The following KPNA6 variants were observed in gnomAD, a reference collection of about 807,000 sequenced individuals.
The protein encoded by KPNA6 is importin subunit alpha-7.
KPNA6 carries 9 observed loss-of-function variants against 72.0 expected under a neutral mutation model. The ratio of observed to expected loss-of-function variants is 0.13; its 90% CI spans 0.08 to 0.22. The LOEUF (loss-of-function observed/expected upper bound fraction) is 0.22, where lower values mean the gene tolerates loss of function less well. KPNA6 is among the 10% of genes least tolerant of loss of function. The pLI is 1.00. For synonymous variants in KPNA6, 219 were observed against 242.1 expected (o/e 0.90, Z 0.89); for missense variants, 374 against 655.7 (o/e 0.57, Z 4.69).
chr1:32,162,508 T>G lies in KPNA6; in HGVS notation c.895T>G (p.Leu299Val). 6.2e-7 allele frequency: 1 copy of G among 1,613,784 alleles called. No individual in the cohort carries two copies. Among genetic ancestry groups the G allele is most frequent in the African/African-American group, 1.3e-5 (1 of 74,982 alleles). The stretch of plus-strand genomic sequence containing the variant: ...CATAGACTCCGGAGTCTGCCGGAGA[T>G]TGGTAGAGCTGCTGATGTGAGTGGT... ...AVIDSGVCRR[L>V]VELLMHNDYK... The change falls in exon 9 of 14, where the codon TTG becomes GTG. Residue 299 changes from leucine to valine, a missense_variant. Leu to Val is a conservative substitution (Grantham distance 32, BLOSUM62 1). Coordinates refer to ENST00000373625, the MANE Select transcript of KPNA6 (RefSeq NM_012316.5).
At chr1:32,118,891 TAGTA>T (rs1403597008) in intron 1 of KPNA6, among the ~76,000 whole-genome samples, 2 of 150,984 alleles carry the variant, frequency 1.3e-5, no homozygotes, top group South Asian at 2.1e-4. Flanking sequence ...GCTTAGCACA[TAGTA>T]AGTACTCAAT....
chr1:32,126,880 G>A (rs1641545460), intron 1 of KPNA6, among the ~76,000 whole-genome samples: 1 of 152,082 alleles, frequency 6.6e-6, no homozygotes, highest in South Asian at 2.1e-4. Flanking sequence ...CTGAGTGTTG[G>A]AAGGAAAAGG....
At chr1:32,169,632 A>AT (rs957531240) in intron 12 of KPNA6, among the ~76,000 whole-genome samples, 22 of 101,572 alleles carry the variant, frequency 2.2e-4, no homozygotes, top group East Asian at 3.1e-4. Flanking sequence ...TTTTTTTTGT[A>AT]TTTTTTTTTA....
chr1:32,167,084 G>C, intron 11 of KPNA6, 85 bp from the exon 12 acceptor site: 2 of 1,513,168 alleles, frequency 1.3e-6, no homozygotes, highest in Non-Finnish European at 1.8e-6. Context: ...AGATGTCTAA[G>C]TCTCAGCTGA....
rs186908480 is a variant in KPNA6, at chr1:32,120,057, C to T, written c.4+11923C>T. ...GGCCTGGATTTTTAAATAATACTTA[C>T]TGCTTTGTAAAGGTTACAAGCTAAC... On this transcript the variant is annotated intron_variant, in intron 1 of 13. Transcript: ENST00000373625. Among the ~76,000 whole-genome samples, 225 of 151,854 alleles carry T rather than the reference C, an allele frequency of 1.5e-3. 1 individual carries two copies. The highest frequency in any genetic ancestry group is 5.3e-3 in the African/African-American group (218 of 41,416).
In KPNA6 at chr1:32,172,779, C is replaced by A; in HGVS notation, c.*1885C>A. 1 of 233,572 alleles carries A rather than the reference C, an allele frequency of 4.3e-6. No homozygotes were observed. Among genetic ancestry groups the A allele is most frequent in the East Asian group, 7.9e-5 (1 of 12,672 alleles). 14.5% of individuals were successfully genotyped at this position (233,572 alleles called of 1,614,324 possible). A position where few individuals can be genotyped will look rare whatever the true frequency, so the allele number is the denominator to read the frequency against. On this transcript the variant is annotated 3_prime_UTR_variant, in exon 14 of 14. Transcript: ENST00000373625. ...CCCCCACCTCCCCACTGTGGTTAGTCAGAGGCATCCTGCTCCAAGCTCTGC... is the reference window on the plus strand; with the variant it reads ...CCCCCACCTCCCCACTGTGGTTAGTAAGAGGCATCCTGCTCCAAGCTCTGC...
At chr1:32,132,878 G>A (rs1461506197) in intron 1 of KPNA6, among the ~76,000 whole-genome samples, 1 of 151,748 alleles carries the variant, frequency 6.6e-6, no homozygotes, top group Non-Finnish European at 1.5e-5. Context: ...ACTCCAGCCT[G>A]GGCGACAGAG....
At chr1:32,156,763 C>T in intron 2 of KPNA6, 90 bp from the exon 3 acceptor site, 7 of 975,212 alleles carry the variant, frequency 7.2e-6, no homozygotes, top group Middle Eastern at 2.1e-4. Flanking sequence ...CTAGTATATC[C>T]TTGTCAGTTA....
chr1:32,166,143 C>G lies in KPNA6; in HGVS notation c.1029C>G (p.His343Gln). ...LNCSALPCLL[H>Q]LLSSPKESIR... ...GTTCAGCCCTACCTTGCCTTCTCCACTTGTTGAGCAGTCCCAAGGAGTCAA... is the reference window on the plus strand; with the variant it reads ...GTTCAGCCCTACCTTGCCTTCTCCAGTTGTTGAGCAGTCCCAAGGAGTCAA... Residue 343 changes from histidine to glutamine, a missense_variant, in exon 11 of 14, where the codon CAC becomes CAG. Physicochemically the swap from His to Gln is conservative, Grantham distance 24. Around this residue, in one of 3 missense-constraint regions of KPNA6, gnomAD observed 298 missense variants for 495.4 expected, o/e 0.60. Transcript: ENST00000373625. 6.2e-7 allele frequency: 1 copy of G among 1,614,132 alleles called. No individual in the cohort carries two copies.
chr1:32,168,250 G>T (rs1642374161), intron 12 of KPNA6, among the ~76,000 whole-genome samples: 1 of 152,198 alleles, frequency 6.6e-6, no homozygotes, highest in African/African-American at 2.4e-5. Flanking sequence ...TTGTGTATGT[G>T]TGCTCTTTTT....
At chr1:32,122,721 C>T (rs1213404311) in intron 1 of KPNA6, among the ~76,000 whole-genome samples, 3 of 151,810 alleles carry the variant, frequency 2.0e-5, no homozygotes. Flanking sequence ...TTTGGGAGGC[C>T]GAGGCAGGCA....
intron 1 of KPNA6, among the ~76,000 whole-genome samples, chr1:32,141,597 A>G (rs189543178): frequency 2.2e-4 from 34 of 151,530 alleles, no homozygotes; most frequent in African/African-American, 7.2e-4. Context: ...GGATTTCACC[A>G]TGTTAGCCAG....
chr1:32,168,750 G>T (rs950238907), intron 12 of KPNA6, among the ~76,000 whole-genome samples: 1 of 152,204 alleles, frequency 6.6e-6, no homozygotes, highest in Admixed American at 6.5e-5. Context: ...AGAATGTATT[G>T]TCCTTGGAAG....
At chr1:32,121,849 T>G (rs1156891566) in intron 1 of KPNA6, among the ~76,000 whole-genome samples, 2 of 151,606 alleles carry the variant, frequency 1.3e-5, no homozygotes, top group African/African-American at 4.9e-5. Flanking sequence ...GGTGTGTACC[T>G]GTAATCCCAG....
At chr1:32,112,376 A>G (rs1304220998) in intron 1 of KPNA6, among the ~76,000 whole-genome samples, 1 of 152,220 alleles carries the variant, frequency 6.6e-6, no homozygotes, top group African/African-American at 2.4e-5. Context: ...AGCAAATATA[A>G]TAAAGCAAGT....
At chr1:32,169,481 C>G (rs148819276) in intron 12 of KPNA6, among the ~76,000 whole-genome samples, 2,779 of 148,308 alleles carry the variant, frequency 0.019, 98 homozygotes, top group African/African-American at 0.064. Flanking sequence ...GAGTCTCACT[C>G]TGTCGCCCAG....
intron 1 of KPNA6, among the ~76,000 whole-genome samples, chr1:32,110,541 GCCTT>G (rs750391802): frequency 1.3e-5 from 2 of 152,110 alleles, no homozygotes; most frequent in African/African-American, 2.4e-5. Flanking sequence ...TCCTTTCTGA[GCCTT>G]CCTTTTCTGA....
chr1:32,131,463 A>G (rs765036831), intron 1 of KPNA6, among the ~76,000 whole-genome samples: 2 of 152,188 alleles, frequency 1.3e-5, no homozygotes, highest in Non-Finnish European at 2.9e-5. Flanking sequence ...AACCTGGGCA[A>G]CAAAGTGAGA....
chr1:32,170,363 G>A lies in KPNA6; in HGVS notation c.1423+303G>A, dbSNP rs571983249. On this transcript the variant is annotated intron_variant, in intron 13 of 13. Coordinates refer to ENST00000373625, the MANE Select transcript of KPNA6 (RefSeq NM_012316.5). ...CTCACCAGTTTCTTCTCCTTCTAAG[G>A]AGTGATAGGTCAGTTCTCTTTCTGA... is the stretch of plus-strand genomic sequence containing the variant. Among the ~76,000 whole-genome samples, 8 of 152,272 alleles carry A rather than the reference G, an allele frequency of 5.3e-5. No individual in the cohort carries two copies. In the East Asian group the frequency reaches 1.5e-3, roughly 29 times the overall value.
Sources: gnomAD v4.1 joint callset for allele counts (sites outside exome capture counted in the v4.1 genomes callset) on GRCh38, gnomAD v4.1.1 for gene constraint, gnomAD v4.1.1 regional missense constraint, MANE v1.5 for transcripts, NCBI Gene and HGNC (gene_info 2026-07-23, HGNC 2026-07-21) for gene names.